The following PDZRN4 variants were observed in gnomAD, a reference collection of about 807,000 sequenced individuals.
The protein encoded by PDZRN4 is PDZ domain containing ring finger 4.
PDZRN4 carries 70 observed loss-of-function variants against 99.0 expected under a neutral mutation model. That is an observed-to-expected ratio of 0.71 (90% CI 0.58 to 0.86). The LOEUF is 0.86. Ranked by LOEUF, PDZRN4 falls within the 40% of genes least tolerant of loss-of-function variation. PDZRN4 has a pLI of 0.00. For synonymous variants in PDZRN4, 551 were observed against 501.6 expected, an observed-to-expected ratio of 1.10 and a Z score of -1.32; for missense variants, 1,474 against 1,331.2, an observed-to-expected ratio of 1.11 and a Z score of -1.67.
chr12:41,320,732 G>A (rs1007131064), intron 3 of PDZRN4, among the ~76,000 whole-genome samples: 4 of 86,806 alleles, frequency 4.6e-5, no homozygotes, highest in African/African-American at 8.4e-5. Flanking sequence ...AGTAGGAAGT[G>A]ACAATACAGA....
chr12:41,356,073 C>G (rs986796423), intron 3 of PDZRN4, among the ~76,000 whole-genome samples: 3 of 151,936 alleles, frequency 2.0e-5, no homozygotes, highest in Admixed American at 6.6e-5. Context: ...TGAAGTTGCT[C>G]TGGCCATTAT....
intron 3 of PDZRN4, among the ~76,000 whole-genome samples, chr12:41,228,259 TC>T (rs1951008324): frequency 6.6e-6 from 1 of 152,182 alleles, no homozygotes; most frequent in Admixed American, 6.6e-5. Flanking sequence ...CATCAGTACA[TC>T]ACCATTTATG....
At position 41,306,831 on chromosome 12, in the gene PDZRN4, A is replaced by C. The variant is rs566516869; in HGVS notation, c.843+112643A>C. On this transcript the variant is annotated intron_variant, in intron 3 of 9. Transcript: ENST00000402685. ...ATTCAGCCATGTTCCTTGCCTCCAT[A>C]TAATGAGGATCACCTTTTCTTCATT... Among the ~76,000 whole-genome samples, 28 of 152,316 alleles carry C rather than the reference A, an allele frequency of 1.8e-4. No individual in the cohort carries two copies. The East Asian group carries it at 2.5e-3, about 14-fold the overall frequency.
intron 3 of PDZRN4, among the ~76,000 whole-genome samples, chr12:41,431,159 C>T (rs76388677): frequency 0.026 from 3,938 of 152,192 alleles, 178 homozygotes; most frequent in African/African-American, 0.091. Flanking sequence ...ACCATATCAA[C>T]TTGGAAATTG....
In PDZRN4 at chr12:41,189,123, C is replaced by T; in HGVS notation, c.648+20C>T. ...CGCAGGGTAAGCAAAGGGGGGTGGG[C>T]ACCGCGGGCATGGTCGATTGGGGTG... On this transcript the variant is annotated intron_variant, in intron 1 of 9. Transcript: ENST00000402685. 6.4e-7 allele frequency: 1 copy of T among 1,571,936 alleles called. No homozygotes were observed. Among genetic ancestry groups the T allele is most frequent in the Non-Finnish European group, 8.6e-7 (1 of 1,166,924 alleles).
chr12:41,333,334 C>T (rs576559048), intron 3 of PDZRN4, among the ~76,000 whole-genome samples: 2 of 152,236 alleles, frequency 1.3e-5, no homozygotes, highest in African/African-American at 4.8e-5. Context: ...ACAGCAGCTT[C>T]TCACTACCCT....
At chr12:41,390,902 C>T (rs1054026877) in intron 3 of PDZRN4, among the ~76,000 whole-genome samples, 1 of 152,034 alleles carries the variant, frequency 6.6e-6, no homozygotes, top group Non-Finnish European at 1.5e-5. Flanking sequence ...GCGTTAAGTC[C>T]TAGATGTAGG....
intron 3 of PDZRN4, among the ~76,000 whole-genome samples, chr12:41,370,194 C>T (rs1207676239): frequency 6.6e-6 from 1 of 151,884 alleles, no homozygotes; most frequent in African/African-American, 2.4e-5. Context: ...CTTCTTTTAT[C>T]TCGATTCTAT....
intron 3 of PDZRN4, among the ~76,000 whole-genome samples, chr12:41,251,379 A>G (rs1395826440): frequency 6.6e-6 from 1 of 152,116 alleles, no homozygotes; most frequent in Admixed American, 6.5e-5. Flanking sequence ...AAAATTTGTA[A>G]ACTGCTTGTT....
chr12:41,402,791 C>CAATCCA (rs1298402095), intron 3 of PDZRN4, among the ~76,000 whole-genome samples: 1 of 150,402 alleles, frequency 6.6e-6, no homozygotes, highest in Non-Finnish European at 1.5e-5. Context: ...TATAAGAAAA[C>CAATCCA]AATCCAAAAG....
chr12:41,262,938 G>C (rs1951251134), intron 3 of PDZRN4, among the ~76,000 whole-genome samples: 1 of 151,554 alleles, frequency 6.6e-6, no homozygotes, highest in South Asian at 2.1e-4. Flanking sequence ...TTTTTAAGTA[G>C]GGATAAAAAA....
At chr12:41,482,733 A>C (rs971147934) in intron 3 of PDZRN4, among the ~76,000 whole-genome samples, 2 of 152,100 alleles carry the variant, frequency 1.3e-5, no homozygotes, top group African/African-American at 4.8e-5. Context: ...AGTCTCAGAG[A>C]AGAACATTTT....
chr12:41,521,898 T>C (rs1486059247), intron 5 of PDZRN4, among the ~76,000 whole-genome samples: 1 of 152,094 alleles, frequency 6.6e-6, no homozygotes, highest in East Asian at 1.9e-4. Flanking sequence ...TATTATGTGA[T>C]TACCTGTGGT....
rs181422532 is a variant in PDZRN4 at position 41,423,814 on chromosome 12, G to A, written c.844-82642G>A. On this transcript the variant is annotated intron_variant, in intron 3 of 9. Coordinates refer to ENST00000402685, the MANE Select transcript of PDZRN4 (RefSeq NM_001164595.2). ...AGTGATAAGGCTATGGGGAGCTGGGGTAAGAAAAGATAGTTAATATATGAG... is the reference window on the plus strand; with the variant it reads ...AGTGATAAGGCTATGGGGAGCTGGGATAAGAAAAGATAGTTAATATATGAG... 1.7e-3 allele frequency among the ~76,000 whole-genome samples: 263 copies of A among 152,266 alleles called. 2 individuals carry two copies. The highest frequency in any genetic ancestry group is 5.9e-3 in the African/African-American group (245 of 41,564).
intron 5 of PDZRN4, among the ~76,000 whole-genome samples, chr12:41,529,892 ACT>A (rs1938631072): frequency 6.6e-6 from 1 of 151,782 alleles, no homozygotes; most frequent in East Asian, 1.9e-4. Context: ...TCTGATGCCC[ACT>A]CTCTTTCCTT....
At chr12:41,537,371 T>A (rs924758750) in intron 5 of PDZRN4, among the ~76,000 whole-genome samples, 2 of 152,202 alleles carry the variant, frequency 1.3e-5, no homozygotes, top group Non-Finnish European at 2.9e-5. Context: ...ATTTGCTCTA[T>A]CCTTTGGAAA....
At chr12:41,501,326 A>G (rs906727387) in intron 3 of PDZRN4, among the ~76,000 whole-genome samples, 26 of 152,268 alleles carry the variant, frequency 1.7e-4, no homozygotes, top group South Asian at 4.1e-4. Flanking sequence ...AAATCAAAAA[A>G]GGCTGTTTGT....
intron 3 of PDZRN4, among the ~76,000 whole-genome samples, chr12:41,371,093 G>T (rs1952038217): frequency 6.7e-6 from 1 of 149,658 alleles, no homozygotes; most frequent in Non-Finnish European, 1.5e-5. Context: ...CTTATTTGAT[G>T]ATTTTTATAT....
intron 3 of PDZRN4, among the ~76,000 whole-genome samples, chr12:41,422,365 T>G (rs1438393033): frequency 6.6e-6 from 1 of 152,174 alleles, no homozygotes; most frequent in Non-Finnish European, 1.5e-5. Context: ...ATTATCTGGC[T>G]CCCTTCAGTA....
Sources: allele counts gnomAD v4.1 joint callset (sites outside exome capture counted in the v4.1 genomes callset), GRCh38; gene constraint gnomAD v4.1.1; transcripts MANE v1.5; gene names NCBI Gene and HGNC (gene_info 2026-07-23, HGNC 2026-07-21).